UNC13C: variants seen among roughly 807,000 people sequenced by gnomAD.
The protein encoded by UNC13C is unc-13 homolog C.
In UNC13C, 174 loss-of-function variants were observed where a neutral mutation model predicts 245.4. The ratio of observed to expected loss-of-function variants is 0.71; its 90% confidence interval spans 0.63 to 0.80. UNC13C has a LOEUF of 0.80. UNC13C is among the 30% of genes least tolerant of loss of function. The pLI is 0.00. For missense variants in UNC13C, 2,829 were observed against 2,602.9 expected (o/e 1.09, Z -1.89); for synonymous variants, 992 against 895.1 (o/e 1.11, Z -1.93).
At chr15:54,021,070 A>T (rs1180544285) in intron 2 of UNC13C, among the ~76,000 whole-genome samples, 1 of 152,194 alleles carries the variant, frequency 6.6e-6, no homozygotes, top group Non-Finnish European at 1.5e-5. Context: ...TTAATCGACA[A>T]TAACAATTGT....
chr15:54,380,177 A>AT (rs1338263624), intron 17 of UNC13C, among the ~76,000 whole-genome samples: 9 of 147,260 alleles, frequency 6.1e-5, no homozygotes, highest in Non-Finnish European at 9.0e-5. Context: ...TGTTAACACC[A>AT]TTCTACTATC....
chr15:53,936,861 C>G, the UNC13C span, among the ~76,000 whole-genome samples: 1 of 152,260 alleles, frequency 6.6e-6, no homozygotes. Context: ...AAAGTCCCCC[C>G]AAAAACCCAT....
At chr15:54,407,421 C>T (rs752099679) in intron 18 of UNC13C, among the ~76,000 whole-genome samples, 1 of 151,892 alleles carries the variant, frequency 6.6e-6, no homozygotes, top group African/African-American at 2.4e-5. Flanking sequence ...AATAGTATTG[C>T]CATTAATTTA....
At chr15:54,542,360 G>C (rs933532151) in intron 26 of UNC13C, among the ~76,000 whole-genome samples, 6 of 152,126 alleles carry the variant, frequency 3.9e-5, no homozygotes, top group African/African-American at 1.4e-4. Flanking sequence ...TGTGGTCTGA[G>C]AGACTCTTTG....
chr15:53,946,129 C>G, the UNC13C span, among the ~76,000 whole-genome samples: 1 of 152,014 alleles, frequency 6.6e-6, no homozygotes. Flanking sequence ...GCTGAGGGAG[C>G]TTTTGGGCCA....
At chr15:53,840,073 G>A in the UNC13C span, among the ~76,000 whole-genome samples, 1 of 152,094 alleles carries the variant, frequency 6.6e-6, no homozygotes, top group African/African-American at 2.4e-5. Context: ...CAGGATGAAA[G>A]AGCAGCTTCT....
intron 19 of UNC13C, among the ~76,000 whole-genome samples, chr15:54,428,918 C>T (rs1206360762): frequency 6.6e-6 from 1 of 151,666 alleles, no homozygotes; most frequent in South Asian, 2.1e-4. Flanking sequence ...GGATTTCTGC[C>T]TCTTTCTTCA....
intron 30 of UNC13C, among the ~76,000 whole-genome samples, chr15:54,576,601 TA>T (rs1263705698): frequency 1.3e-5 from 2 of 152,134 alleles, no homozygotes; most frequent in African/African-American, 4.8e-5. Flanking sequence ...AAATCCAAGC[TA>T]AATGTAAGAA....
chr15:53,899,060 C>A, the UNC13C span, among the ~76,000 whole-genome samples: 3 of 151,856 alleles, frequency 2.0e-5, no homozygotes, highest in East Asian at 5.9e-4. Flanking sequence ...CATATAGTAA[C>A]CTCATTTTCA....
At chr15:54,401,326 T>C (rs2040178899) in intron 18 of UNC13C, among the ~76,000 whole-genome samples, 1 of 152,118 alleles carries the variant, frequency 6.6e-6, no homozygotes, top group Non-Finnish European at 1.5e-5. Context: ...AAGAGATATA[T>C]ACGAAATTAA....
chr15:54,294,829 A>G (rs2037387469), intron 11 of UNC13C, among the ~76,000 whole-genome samples: 1 of 152,178 alleles, frequency 6.6e-6, no homozygotes, highest in Non-Finnish European at 1.5e-5. Flanking sequence ...TTGGGTTACA[A>G]AGAGTTACCA....
Position 54,389,690 on chromosome 15 carries a change from G to T in UNC13C, c.4714-3358G>T, listed in dbSNP as rs567659898. On this transcript the variant is annotated intron_variant, in intron 17 of 32. Transcript: ENST00000260323. ...AATTATTCAAATATAGTAGGCATCT[G>T]TCATGTGGTTTTGTGTGTACACAGC... 2.6e-5 allele frequency among the ~76,000 whole-genome samples: 4 copies of T among 151,420 alleles called. No individual in the cohort carries two copies. In the South Asian group the frequency reaches 8.3e-4, roughly 32 times the overall value.
chr15:54,354,725 C>T (rs1396789042), intron 17 of UNC13C, among the ~76,000 whole-genome samples: 2 of 152,280 alleles, frequency 1.3e-5, no homozygotes, highest in South Asian at 2.1e-4. Context: ...AATATCTCAA[C>T]TTTACTGTTA....
intron 26 of UNC13C, among the ~76,000 whole-genome samples, chr15:54,544,643 T>C (rs1044037289): frequency 2.0e-5 from 3 of 152,128 alleles, no homozygotes; most frequent in African/African-American, 7.2e-5. Flanking sequence ...AGCATTCCTA[T>C]ACACCAATAA....
At chr15:54,037,100 C>G (rs1220038298) in intron 2 of UNC13C, among the ~76,000 whole-genome samples, 1 of 152,176 alleles carries the variant, frequency 6.6e-6, no homozygotes, top group Non-Finnish European at 1.5e-5. Context: ...TGTGTGCTTT[C>G]CAGTTAAAGG....
intron 2 of UNC13C, among the ~76,000 whole-genome samples, chr15:54,072,515 A>T (rs1898377529): frequency 6.6e-6 from 1 of 152,174 alleles, no homozygotes; most frequent in Non-Finnish European, 1.5e-5. Flanking sequence ...AAGAGTTTGG[A>T]ATACCCCATG....
chr15:54,407,578 CTATCATGGGATATCTAT>C (rs2040322852), intron 18 of UNC13C, among the ~76,000 whole-genome samples: 1 of 152,078 alleles, frequency 6.6e-6, no homozygotes, highest in Non-Finnish European at 1.5e-5. Flanking sequence ...TTTTTATTTT[CTATCATGGGATATCTAT>C]TATCTCTATA....
the UNC13C span, among the ~76,000 whole-genome samples, chr15:53,952,899 G>T: frequency 6.6e-6 from 1 of 152,184 alleles, no homozygotes; most frequent in Non-Finnish European, 1.5e-5. Context: ...CAGTCTCTTA[G>T]AGTGTCTAAT....
chr15:54,338,286 T>C, intron 16 of UNC13C, 75 bp from the exon 17 acceptor site: 1 of 1,422,730 alleles, frequency 7.0e-7, no homozygotes. Flanking sequence ...TTATTGAATA[T>C]ATATTTGAGT....
Sources: gnomAD v4.1 joint callset for allele counts (sites outside exome capture counted in the v4.1 genomes callset) on GRCh38, gnomAD v4.1.1 for gene constraint, MANE v1.5 for transcripts, NCBI Gene and HGNC (gene_info 2026-07-23, HGNC 2026-07-21) for gene names.